RGS7: variants seen among roughly 807,000 people sequenced by gnomAD.
RGS7 encodes the protein regulator of G protein signaling 7.
Under a neutral mutation model 81.1 loss-of-function variants are expected in RGS7, and 27 were observed. The ratio of observed to expected loss-of-function variants is 0.33; its 90% CI spans 0.25 to 0.46. The LOEUF (loss-of-function observed/expected upper bound fraction) is 0.46, where lower values mean the gene tolerates loss of function less well. Ranked by LOEUF, RGS7 falls within the 20% of genes least tolerant of loss-of-function variation. The pLI, the probability that RGS7 is intolerant of heterozygous loss-of-function variation, is 1.00. For synonymous variants in RGS7, 208 were observed against 207.7 expected, an observed-to-expected ratio of 1.00 and a Z score of -0.01; for missense variants, 396 against 607.4, an observed-to-expected ratio of 0.65 and a Z score of 3.66.
intron 2 of RGS7, among the ~76,000 whole-genome samples, chr1:241,183,687 C>A (rs954469876): frequency 6.6e-6 from 1 of 152,192 alleles, no homozygotes; most frequent in Non-Finnish European, 1.5e-5. Flanking sequence ...GTTTTCCAGT[C>A]TAGGCCTCCC....
chr1:241,109,679 C>A (rs534563925), intron 2 of RGS7, among the ~76,000 whole-genome samples: 2 of 151,832 alleles, frequency 1.3e-5, no homozygotes, highest in East Asian at 3.9e-4. Flanking sequence ...GAATTCTGGC[C>A]GGGCGCAGTG....
At chr1:241,228,850 G>A (rs1030654642) in intron 2 of RGS7, among the ~76,000 whole-genome samples, 1 of 151,978 alleles carries the variant, frequency 6.6e-6, no homozygotes. Context: ...AAAGAAAACA[G>A]AGAAAGAAAA....
chr1:241,251,839 T>C (rs1187820473), intron 2 of RGS7, among the ~76,000 whole-genome samples: 1 of 151,724 alleles, frequency 6.6e-6, no homozygotes, highest in Non-Finnish European at 1.5e-5. Context: ...GTACTCAAGG[T>C]CCAAACTTTT....
At chr1:240,786,644 C>T (rs568411875) in intron 18 of RGS7, among the ~76,000 whole-genome samples, 1 of 152,234 alleles carries the variant, frequency 6.6e-6, no homozygotes, top group African/African-American at 2.4e-5. Context: ...ATGTATGTGT[C>T]GATCAAATGT....
chr1:241,310,503 G>A (rs2080467434), intron 2 of RGS7, among the ~76,000 whole-genome samples: 1 of 151,048 alleles, frequency 6.6e-6, no homozygotes, highest in Admixed American at 6.6e-5. Context: ...GAGCGTGTGT[G>A]GTGAGACAGA....
chr1:241,136,263 G>A (rs2067510929), intron 2 of RGS7, among the ~76,000 whole-genome samples: 1 of 152,106 alleles, frequency 6.6e-6, no homozygotes, highest in Admixed American at 6.6e-5. Context: ...ATTACTTCAG[G>A]AGCTTGATAA....
intron 2 of RGS7, among the ~76,000 whole-genome samples, chr1:241,230,984 A>G (rs2075631917): frequency 6.6e-6 from 1 of 152,114 alleles, no homozygotes; most frequent in African/African-American, 2.4e-5. Context: ...TCTGATCATG[A>G]TAACTCTTTT....
chr1:241,352,258 T>C (rs1390690821), intron 2 of RGS7, among the ~76,000 whole-genome samples: 1 of 152,156 alleles, frequency 6.6e-6, no homozygotes, highest in African/African-American at 2.4e-5. Flanking sequence ...CCTCTTGGAG[T>C]TAGTTGGGTC....
chr1:241,156,128 A>G (rs2069114616), intron 2 of RGS7, among the ~76,000 whole-genome samples: 2 of 131,688 alleles, frequency 1.5e-5, no homozygotes, highest in South Asian at 6.1e-4. Flanking sequence ...AGAAAGATAA[A>G]TGATGATAGA....
At chr1:241,286,477 C>CA (rs1249539524) in intron 2 of RGS7, among the ~76,000 whole-genome samples, 1 of 152,050 alleles carries the variant, frequency 6.6e-6, no homozygotes, top group Non-Finnish European at 1.5e-5. Context: ...TTCCCACCCC[C>CA]AAAAAAATGG....
intron 2 of RGS7, among the ~76,000 whole-genome samples, chr1:241,314,133 G>T (rs906250545): frequency 6.6e-6 from 1 of 152,354 alleles, no homozygotes; most frequent in East Asian, 1.9e-4. Flanking sequence ...TTAATAAAGC[G>T]TAGTAGGGCC....
At chr1:240,966,672 T>C (rs536818326) in intron 4 of RGS7, among the ~76,000 whole-genome samples, 1 of 152,330 alleles carries the variant, frequency 6.6e-6, no homozygotes, top group Admixed American at 6.5e-5. Context: ...TCCTTGCTTT[T>C]ACTTAGAGAA....
At chr1:241,037,662 A>AAG (rs2060400071) in intron 3 of RGS7, among the ~76,000 whole-genome samples, 1 of 151,432 alleles carries the variant, frequency 6.6e-6, no homozygotes, top group Non-Finnish European at 1.5e-5. Context: ...TGGAGGTTGC[A>AAG]GTGAGCCGAG....
chr1:240,914,109 T>G (rs941519362), intron 6 of RGS7, among the ~76,000 whole-genome samples: 2 of 140,246 alleles, frequency 1.4e-5, no homozygotes, highest in African/African-American at 2.6e-5. Flanking sequence ...CCTGGTAAGA[T>G]GTAATGTTTT....
chr1:240,780,406 C>G (rs1683783362), intron 18 of RGS7, among the ~76,000 whole-genome samples: 1 of 135,304 alleles, frequency 7.4e-6, no homozygotes, highest in South Asian at 2.3e-4. Flanking sequence ...GGCCACTGTA[C>G]TCCAGCCTGG....
intron 2 of RGS7, among the ~76,000 whole-genome samples, chr1:241,174,213 A>G (rs935448460): frequency 2.0e-5 from 3 of 152,206 alleles, no homozygotes; most frequent in African/African-American, 7.2e-5. Context: ...ACAAGACCCA[A>G]TTTTCTACTT....
At chr1:240,800,566 C>T in intron 18 of RGS7, 75 bp downstream of exon 18, 1 of 838,154 alleles carries the variant, frequency 1.2e-6, no homozygotes, top group Non-Finnish European at 1.9e-6. Context: ...CACACACACA[C>T]AGCAGCATGG....
intron 18 of RGS7, among the ~76,000 whole-genome samples, chr1:240,792,111 C>T (rs1001132578): frequency 6.6e-6 from 1 of 152,102 alleles, no homozygotes; most frequent in Non-Finnish European, 1.5e-5. Flanking sequence ...TCAAATATCA[C>T]CAAATAAAAT....
In RGS7 at chr1:241,009,556, T is replaced by C. The variant is rs536826593; in HGVS notation, c.176-26427A>G. 1.8e-4 allele frequency among the ~76,000 whole-genome samples: 28 copies of C among 152,318 alleles called. 1 individual carries two copies. The highest frequency in any genetic ancestry group is 1.5e-3 in the Admixed American group (23 of 15,302). The stretch of plus-strand genomic sequence containing the variant: ...AAGGAGTCTATAGTGACCTGAATTA[T>C]GAAACTGCCCCATAGCCTTGGAGGT... On this transcript the variant is annotated intron_variant, in intron 3 of 18. Coordinates refer to ENST00000440928, the MANE Select transcript of RGS7 (RefSeq NM_001364886.1).
Sources: gnomAD v4.1 joint callset for allele counts (sites outside exome capture counted in the v4.1 genomes callset) on GRCh38, gnomAD v4.1.1 for gene constraint, MANE v1.5 for transcripts, NCBI Gene and HGNC (gene_info 2026-07-23, HGNC 2026-07-21) for gene names.